GYPE: variants seen among roughly 807,000 people sequenced by gnomAD.
The protein encoded by GYPE is glycophorin E (MNS blood group).
GYPE carries 8 observed loss-of-function variants against 11.6 expected under a neutral mutation model. The observed-to-expected ratio is 0.69, with a 90% CI of 0.41 to 1.25. The LOEUF (loss-of-function observed/expected upper bound fraction) is 1.25. Among genes scored for constraint, GYPE ranks in the 50% most tolerant of loss-of-function variants. The pLI is 0.01. For synonymous variants in GYPE, 28 were observed against 29.6 expected (o/e 0.94, Z 0.18); for missense variants, 90 against 92.8 (o/e 0.97, Z 0.12).
chr4:143,896,843 T>A (rs2149914845), intron 1 of GYPE, among the ~76,000 whole-genome samples: 1 of 152,242 alleles, frequency 6.6e-6, no homozygotes, highest in South Asian at 2.1e-4. Context: ...AAGGATGAGT[T>A]CATGTCCTTT....
At chr4:143,890,705 TTATC>T (rs1744371237) in intron 1 of GYPE, among the ~76,000 whole-genome samples, 2 of 152,216 alleles carry the variant, frequency 1.3e-5, no homozygotes, top group African/African-American at 4.8e-5. Flanking sequence ...AGTGTCACCT[TTATC>T]TATAAAGTGA....
chr4:143,895,765 G>A (rs900780507), intron 1 of GYPE, among the ~76,000 whole-genome samples: 116 of 150,818 alleles, frequency 7.7e-4, no homozygotes, highest in Non-Finnish European at 1.4e-3. Context: ...TATACTACAA[G>A]GCTACAGTAA....
chr4:143,894,211 C>G (rs1744530173), intron 1 of GYPE, among the ~76,000 whole-genome samples: 1 of 151,148 alleles, frequency 6.6e-6, no homozygotes, highest in African/African-American at 2.4e-5. Context: ...ATACATTCGT[C>G]TAAACTTTTT....
At chr4:143,902,093 G>A (rs1467511371) in intron 1 of GYPE, among the ~76,000 whole-genome samples, 7 of 152,124 alleles carry the variant, frequency 4.6e-5, no homozygotes, top group African/African-American at 1.2e-4. Context: ...TGAGGCCCAC[G>A]GGTGTTAAAT....
intron 1 of GYPE, among the ~76,000 whole-genome samples, chr4:143,903,264 A>G (rs1242504000): frequency 6.6e-6 from 1 of 151,350 alleles, no homozygotes; most frequent in African/African-American, 2.5e-5. Context: ...CCCTCCCACC[A>G]TCCACTGTGC....
At chr4:143,880,353 G>C (rs1743974865) in intron 2 of GYPE, 58 bp downstream of exon 2, 2 of 1,612,294 alleles carry the variant, frequency 1.2e-6, no homozygotes, top group Non-Finnish European at 1.7e-6. Flanking sequence ...CCTAAAATAG[G>C]GTTGCATCAC....
intron 1 of GYPE, among the ~76,000 whole-genome samples, chr4:143,895,000 G>T (rs377259466): frequency 4.3e-4 from 66 of 152,276 alleles, no homozygotes; most frequent in Middle Eastern, 3.4e-3. Flanking sequence ...TTGATGGGAT[G>T]TATCTCAAAA....
chr4:143,891,820 A>G (rs1435223797), intron 1 of GYPE, among the ~76,000 whole-genome samples: 1 of 152,144 alleles, frequency 6.6e-6, no homozygotes, highest in Non-Finnish European at 1.5e-5. Flanking sequence ...CCTGCAGTCA[A>G]GATGGTGCAT....
chr4:143,874,611 A>G (rs1743728088), intron 3 of GYPE, among the ~76,000 whole-genome samples: 1 of 152,212 alleles, frequency 6.6e-6, no homozygotes, highest in Admixed American at 6.5e-5. Flanking sequence ...GGGAGAAAAG[A>G]GACCTCAGAC....
At chr4:143,894,418 GT>G (rs775695346) in intron 1 of GYPE, among the ~76,000 whole-genome samples, 1 of 151,884 alleles carries the variant, frequency 6.6e-6, no homozygotes, top group African/African-American at 2.4e-5. Flanking sequence ...TTTCTGCTCT[GT>G]TTTTTCCCCA....
At position 143,872,058 on chromosome 4, in the gene GYPE, C is replaced by G. The variant is rs939990433; in HGVS notation, c.*204G>C. On this transcript the variant is annotated 3_prime_UTR_variant, in exon 4 of 4. Coordinates refer to ENST00000358615, the MANE Select transcript of GYPE (RefSeq NM_198682.3). ...TTAATCCTCATGTCATGGTAAGGCC[C>G]TCTGAAATTCTCTCTACGCCTTTGA... The G allele has an allele frequency of 5.9e-5, 9 of 152,326 alleles. No individual in the cohort carries two copies. The highest frequency in any genetic ancestry group is 2.0e-4 in the Admixed American group (3 of 15,268). 9.4% of individuals were successfully genotyped at this position (152,326 alleles called of 1,614,324 possible).
At chr4:143,875,482 A>C in intron 3 of GYPE, 3 of 1,551,106 alleles carry the variant, frequency 1.9e-6, no homozygotes, top group Non-Finnish European at 2.6e-6. Flanking sequence ...AGGCAAGATC[A>C]GGCAGCATGC....
intron 2 of GYPE, among the ~76,000 whole-genome samples, chr4:143,879,569 A>C (rs1697024295): frequency 6.6e-6 from 1 of 152,154 alleles, no homozygotes; most frequent in South Asian, 2.1e-4. Context: ...GTTCAATCAC[A>C]ACAATGACTC....
intron 1 of GYPE, among the ~76,000 whole-genome samples, chr4:143,889,635 G>T (rs1239853796): frequency 2.6e-5 from 4 of 152,170 alleles, no homozygotes; most frequent in African/African-American, 4.8e-5. Flanking sequence ...CTGAGCAACT[G>T]GGACTATAGG....
intron 1 of GYPE, among the ~76,000 whole-genome samples, chr4:143,904,962 T>C (rs1163671288): frequency 6.6e-6 from 1 of 152,180 alleles, no homozygotes; most frequent in Non-Finnish European, 1.5e-5. Flanking sequence ...GTTTTTGTTT[T>C]TGTTTCTTCC....
chr4:143,878,619 T>A (rs765749698), intron 2 of GYPE: 1 of 472,902 alleles, frequency 2.1e-6, no homozygotes, highest in Non-Finnish European at 4.4e-6. Flanking sequence ...ATTTTGATTC[T>A]TTGTCAAATA....
intron 1 of GYPE, among the ~76,000 whole-genome samples, chr4:143,885,303 G>C (rs1170167285): frequency 6.6e-6 from 1 of 152,160 alleles, no homozygotes; most frequent in African/African-American, 2.4e-5. Context: ...TTTAAGCAAA[G>C]TATATGTAAC....
At chr4:143,875,395 G>A in intron 3 of GYPE, 1 of 1,469,408 alleles carries the variant, frequency 6.8e-7, no homozygotes, top group Admixed American at 2.0e-5. Context: ...GGATAGCCAA[G>A]GGTTGGGGCA....
chr4:143,883,360 C>A (rs973170758), intron 1 of GYPE, among the ~76,000 whole-genome samples: 2 of 151,786 alleles, frequency 1.3e-5, no homozygotes, highest in African/African-American at 4.8e-5. Context: ...GGCAATTAAA[C>A]CTCTTTTCTT....
Sources: gnomAD v4.1 joint callset for allele counts (sites outside exome capture counted in the v4.1 genomes callset) on GRCh38, gnomAD v4.1.1 for gene constraint, MANE v1.5 for transcripts, NCBI Gene and HGNC (gene_info 2026-07-23, HGNC 2026-07-21) for gene names.